FCAMR: variants seen among roughly 807,000 people sequenced by gnomAD.
The protein encoded by FCAMR is high affinity immunoglobulin alpha and immunoglobulin mu Fc receptor.
A neutral mutation model predicts 52.2 loss-of-function variants in FCAMR; 51 were observed. The ratio of observed to expected loss-of-function variants is 0.98; its 90% CI spans 0.78 to 1.23. The LOEUF (loss-of-function observed/expected upper bound fraction) is 1.23, where lower values mean the gene tolerates loss of function less well. FCAMR is among the 50% of genes most tolerant of loss of function. The pLI, the probability that FCAMR is intolerant of heterozygous loss-of-function variation, is 0.00. For missense variants in FCAMR, 719 were observed against 712.6 expected, an observed-to-expected ratio of 1.01 and a Z score of -0.10; for synonymous variants, 282 against 262.0, an observed-to-expected ratio of 1.08 and a Z score of -0.74.
intron 4 of FCAMR, 139 bp downstream of exon 4, chr1:206,965,576 T>C: frequency 9.3e-7 from 1 of 1,070,512 alleles, no homozygotes; most frequent in Non-Finnish European, 1.3e-6. Context: ...CCCTCATTGT[T>C]ACTCAGCAAT....
At chr1:206,960,189 C>T (rs903144723) in intron 6 of FCAMR, 12 of 552,034 alleles carry the variant, frequency 2.2e-5, no homozygotes, top group African/African-American at 2.1e-4. Context: ...ATGAAGGTTC[C>T]AGCCTAAATA....
At chr1:206,960,110 T>C (rs1000720958) in intron 6 of FCAMR, 6 of 495,332 alleles carry the variant, frequency 1.2e-5, no homozygotes, top group African/African-American at 1.1e-4. Context: ...AACCTTTCCT[T>C]GTGGCTTCAG....
rs995594312 is a variant in FCAMR at position 206,966,982 on chromosome 1, C to A, written c.169+70G>T. On this transcript the variant is annotated intron_variant, in intron 3 of 7. Coordinates refer to ENST00000324852, the MANE Select transcript of FCAMR (RefSeq NM_001170631.2). The stretch of plus-strand genomic sequence containing the variant: ...TTTTACCATACCAGCCTGTGAGGAC[C>A]TTTAGGGCAGCCTGGAAGACTCAGG... 7 of 1,543,028 alleles carry A rather than the reference C, an allele frequency of 4.5e-6. No individual in the cohort carries two copies. In the Admixed American group the frequency reaches 8.4e-5, roughly 19 times the overall value.
rs1375218722 is a variant in FCAMR at position 206,960,606 on chromosome 1, C to A, written c.1270G>T (p.Asp424Tyr). 6.4e-7 allele frequency: 1 copy of A among 1,551,860 alleles called. No homozygotes were observed. The highest frequency in any genetic ancestry group is 1.2e-5 in the South Asian group (1 of 84,064). The change falls in exon 6 of 8, where the codon GAT becomes TAT. Residue 424 changes from aspartate to tyrosine, a missense_variant. Transcript: ENST00000324852. ...GMWTLGTPAADVWILGTPAAD... is the reference protein window; with the variant it reads ...GMWTLGTPAAYVWILGTPAAD... ...GCTGGAGTTCCCAAGATCCACACAT[C>A]TGCAGCTGGAGTTCCCAAGGTCCAC...
chr1:206,968,530 C>T (rs979773146), intron 1 of FCAMR, among the ~76,000 whole-genome samples: 7 of 152,298 alleles, frequency 4.6e-5, no homozygotes, highest in East Asian at 1.9e-4. Context: ...TACTCTAATA[C>T]GTTCCTCACT....
intron 3 of FCAMR, among the ~76,000 whole-genome samples, chr1:206,966,798 T>C (rs1224894951): frequency 1.3e-5 from 2 of 152,260 alleles, no homozygotes; most frequent in Non-Finnish European, 2.9e-5. Context: ...TCAGTCATTA[T>C]TTATTAAGCA....
rs138863002 is a variant in FCAMR, at chr1:206,960,469, C to T, written c.1407G>A (p.Pro469=). The T allele has an allele frequency of 2.1e-4, 330 of 1,538,254 alleles. No individual in the cohort carries two copies. The East Asian group carries it at 7.6e-3, about 35-fold the overall frequency. Residue 469 remains proline (P), a synonymous_variant, in exon 6 of 8, where the codon CCG becomes CCA. Transcript: ENST00000324852. ...CAGGGGGTCCCCAGGGTCCTACTGCCGGGGTCTGGCTCAGTGTTGCTTGGG... is the reference window on the plus strand; with the variant it reads ...CAGGGGGTCCCCAGGGTCCTACTGCTGGGGTCTGGCTCAGTGTTGCTTGGG... ...RGPQATLSQT[P]AVGPWGPPGK...
At chr1:206,962,577 G>T in intron 4 of FCAMR, 26 bp from the exon 5 acceptor site, 1 of 1,492,682 alleles carries the variant, frequency 6.7e-7, no homozygotes, top group Non-Finnish European at 9.0e-7. Context: ...GAAGTCAAAG[G>T]AGAGGAAGTG....
intron 1 of FCAMR, among the ~76,000 whole-genome samples, chr1:206,968,650 G>A (rs918866657): frequency 6.6e-6 from 1 of 152,144 alleles, no homozygotes; most frequent in Non-Finnish European, 1.5e-5. Context: ...TGTGACACAG[G>A]CTGTGCAGGA....
At chr1:206,959,046 C>T (rs1443194080) in intron 7 of FCAMR, 5 of 458,014 alleles carry the variant, frequency 1.1e-5, no homozygotes, top group Non-Finnish European at 2.2e-5. Flanking sequence ...GCCCTGCACT[C>T]CTGCTCTCTG....
intron 4 of FCAMR, among the ~76,000 whole-genome samples, chr1:206,964,824 G>A (rs1367201781): frequency 1.3e-5 from 2 of 152,180 alleles, no homozygotes; most frequent in Admixed American, 6.5e-5. Flanking sequence ...GTTTGTGGGT[G>A]CCAGAGCAAA....
At chr1:206,966,809 T>A (rs1281754241) in intron 3 of FCAMR, among the ~76,000 whole-genome samples, 1 of 152,248 alleles carries the variant, frequency 6.6e-6, no homozygotes, top group African/African-American at 2.4e-5. Context: ...TTATTAAGCA[T>A]CTACTTGGGA....
At chr1:206,959,623 G>C (rs1027431252) in intron 7 of FCAMR, 56 bp downstream of exon 7, 3 of 1,398,048 alleles carry the variant, frequency 2.1e-6, no homozygotes, top group Non-Finnish European at 3.0e-6. Flanking sequence ...CCAGCCCTGA[G>C]GGTGTCAGGT....
rs1489499928 is a variant in FCAMR, at chr1:206,959,797, A to T, written c.1455T>A (p.Arg485=). Residue 485 remains arginine (R), a splice_region_variant and synonymous_variant, in exon 7 of 8, where the codon CGT becomes CGA. Coordinates refer to ENST00000324852, the MANE Select transcript of FCAMR (RefSeq NM_001170631.2). ...AGCTGCTTTCATCTTCTGGAAAAGT[A>T]CTACAGTGGGGGTGGAAAGAGCACA... is the stretch of plus-strand genomic sequence containing the variant. ...GPPGKESSVK[R]TFPEDESSSR... is the part of the protein sequence containing the mutation. 1 of 1,612,120 alleles carries T rather than the reference A, an allele frequency of 6.2e-7. No individual in the cohort carries two copies. Among genetic ancestry groups the T allele is most frequent in the Non-Finnish European group, 8.5e-7 (1 of 1,178,164 alleles).
Position 206,970,338 on chromosome 1 carries a change from A to G in FCAMR, c.-213T>C. On this transcript the variant is annotated 5_prime_UTR_variant, in exon 1 of 8. Coordinates refer to ENST00000324852, the MANE Select transcript of FCAMR (RefSeq NM_001170631.2). ...CTTCTCTTTGGATTTTATTATTTAT[A>G]AGAGGAAGCCAGTCCTAATCCCTTG... The G allele has an allele frequency of 1.8e-6, 1 of 564,830 alleles. No individual in the cohort carries two copies. The allele number at this position is 564,830 out of a possible 1,614,324, so 35.0% of individuals were successfully genotyped here.
intron 4 of FCAMR, 45 bp from the exon 5 acceptor site, chr1:206,962,596 A>G (rs1680556954): frequency 2.1e-6 from 3 of 1,455,310 alleles, no homozygotes; most frequent in Non-Finnish European, 2.7e-6. Flanking sequence ...TGGTGAGCAT[A>G]GTCACTGTTT....
chr1:206,965,628 C>T, intron 4 of FCAMR, 87 bp downstream of exon 4: 1 of 1,448,780 alleles, frequency 6.9e-7, no homozygotes, highest in Non-Finnish European at 9.1e-7. Flanking sequence ...CTAGGGCTGC[C>T]TATAGCTGTA....
Position 206,960,968 on chromosome 1 carries a change from T to C in FCAMR, c.908A>G (p.Lys303Arg). 6.4e-7 allele frequency: 1 copy of C among 1,551,938 alleles called. No homozygotes were observed. ...ACTCTCTGGAATCGGAGCAGGTGCT[T>C]TGACAGAACCCTCTGCCCAGCTGCC... is the stretch of plus-strand genomic sequence containing the variant. ...GTGSWAEGSV[K>R]APAPIPESPP... Residue 303 changes from lysine to arginine, a missense_variant, in exon 6 of 8, where the codon AAA (lysine) becomes AGA (arginine). Transcript: ENST00000324852.
At chr1:206,967,729 GA>G (rs1680771785) in intron 1 of FCAMR, 78 bp from the exon 2 acceptor site, 10 of 1,379,626 alleles carry the variant, frequency 7.2e-6, no homozygotes, top group Non-Finnish European at 3.1e-6. Flanking sequence ...TAGTAACAAG[GA>G]GTTAAAAATT....
Sources: allele counts gnomAD v4.1 joint callset (sites outside exome capture counted in the v4.1 genomes callset), GRCh38; gene constraint gnomAD v4.1.1; transcripts MANE v1.5; gene names NCBI Gene and HGNC (gene_info 2026-07-23, HGNC 2026-07-21).